The following POLN variants were observed in gnomAD, a reference collection of about 807,000 sequenced individuals.
POLN encodes the protein DNA polymerase nu.
POLN carries 108 observed loss-of-function variants against 113.5 expected under a neutral mutation model. The ratio of observed to expected loss-of-function variants is 0.95; its 90% CI spans 0.81 to 1.12. POLN has a LOEUF of 1.12. POLN is among the 50% of genes most tolerant of loss of function. POLN has a pLI of 0.00. For synonymous variants in POLN, 386 were observed against 391.5 expected, an observed-to-expected ratio of 0.99 and a Z score of 0.17; for missense variants, 1,097 against 1,077.1, an observed-to-expected ratio of 1.02 and a Z score of -0.26.
intron 10 of POLN, 87 bp from the exon 11 acceptor site, chr4:2,174,106 CAAT>C: frequency 8.0e-7 from 1 of 1,250,320 alleles, no homozygotes; most frequent in Non-Finnish European, 1.2e-6. Context: ...CTGATGAGGA[CAAT>C]AATGACTGCA....
intron 13 of POLN, among the ~76,000 whole-genome samples, chr4:2,162,002 T>C (rs973777711): frequency 6.6e-6 from 1 of 152,120 alleles, no homozygotes; most frequent in African/African-American, 2.4e-5. Context: ...AATGCACCAA[T>C]CAGCGCCCTG....
chr4:2,101,659 C>G (rs753921196), intron 19 of POLN, among the ~76,000 whole-genome samples: 8 of 152,238 alleles, frequency 5.3e-5, no homozygotes, highest in Non-Finnish European at 7.3e-5. Context: ...TTGGTCCTAG[C>G]TTTTAACAGA....
At chr4:2,196,130 T>A (rs1733567093) in intron 6 of POLN, among the ~76,000 whole-genome samples, 1 of 152,172 alleles carries the variant, frequency 6.6e-6, no homozygotes, top group Non-Finnish European at 1.5e-5. Flanking sequence ...AAATCGAATA[T>A]TTTTTAGGGA....
rs371030140 is a variant in POLN, at chr4:2,088,728, CT to C, written c.2066-2985del. On this transcript the variant is annotated intron_variant, in intron 20 of 25. Coordinates refer to ENST00000511885, the MANE Select transcript of POLN (RefSeq NM_181808.4). ...TTTTGTTACTATTCTCTAGTAAATG[CT>C]TTTTTTTTATTAGCTTTTACAATGT... The C allele has an allele frequency of 1.8e-3, 2,068 of 1,152,870 alleles. 4 individuals are homozygous for C. The highest frequency in any genetic ancestry group is 7.2e-3 in the African/African-American group (452 of 62,904). 71.4% of individuals were successfully genotyped at this position (1,152,870 alleles called of 1,614,324 possible). A position where few individuals can be genotyped will look rare whatever the true frequency, so the allele number is the denominator to read the frequency against.
chr4:2,081,063 G>C lies in POLN; in HGVS notation c.2309-27C>G, dbSNP rs1730402554. On this transcript the variant is annotated intron_variant, in intron 22 of 25. Transcript: ENST00000511885. ...TATGGGGCGCGTGGTACTGTCTTGA[G>C]GTCCCATGGCACACGGTTCATGGTG... 3 of 1,613,044 alleles carry C rather than the reference G, an allele frequency of 1.9e-6. No homozygotes were observed. The African/African-American group carries it at 4.0e-5, about 22-fold the overall frequency.
At chr4:2,182,939 T>C (rs113144437) in intron 7 of POLN, among the ~76,000 whole-genome samples, 9 of 152,012 alleles carry the variant, frequency 5.9e-5, no homozygotes, top group African/African-American at 1.7e-4. Flanking sequence ...TTAGAATATA[T>C]AAATAATTCT....
intron 16 of POLN, among the ~76,000 whole-genome samples, chr4:2,133,628 C>G (rs1213957373): frequency 1.3e-5 from 2 of 152,144 alleles, no homozygotes; most frequent in Admixed American, 1.3e-4. Flanking sequence ...GAATTGTTCA[C>G]CTGTACCCCT....
rs899618458 is a variant in POLN at position 2,079,941 on chromosome 4, A to C, written c.2387+1017T>G. 1.7e-5 allele frequency: 17 copies of C among 985,428 alleles called. No individual in the cohort carries two copies. The African/African-American group carries it at 3.0e-4, about 17-fold the overall frequency. The allele number at this position is 985,428 out of a possible 1,614,324, so 61.0% of individuals were successfully genotyped here. A position where few individuals can be genotyped will look rare whatever the true frequency, so the allele number is the denominator to read the frequency against. On this transcript the variant is annotated intron_variant, in intron 23 of 25. Transcript: ENST00000511885. ...CTTCTGACCACTTCAGTTACTGCAG[A>C]AAGCAGCACTGAGAGCCCACAGCCC...
intron 21 of POLN, 84 bp downstream of exon 21, chr4:2,085,529 C>A: frequency 6.3e-7 from 1 of 1,574,850 alleles, no homozygotes; most frequent in Non-Finnish European, 8.6e-7. Flanking sequence ...CAGGGCCCGC[C>A]TGCACACCAA....
At chr4:2,128,274 C>T (rs779807423) in intron 18 of POLN, 47 bp from the exon 19 acceptor site, 3 of 1,313,726 alleles carry the variant, frequency 2.3e-6, no homozygotes, top group Non-Finnish European at 3.3e-6. Context: ...CAGCAATGTT[C>T]CTCGTGTTTG....
At chr4:2,240,356 T>G (rs372049466) in intron 2 of POLN, 11 of 1,602,100 alleles carry the variant, frequency 6.9e-6, no homozygotes, top group Non-Finnish European at 9.4e-6. Flanking sequence ...CCAAGGAAAA[T>G]TGCGATAAAA....
intron 2 of POLN, chr4:2,231,886 T>C: frequency 2.3e-6 from 2 of 869,440 alleles, no homozygotes; most frequent in South Asian, 1.6e-5. Context: ...TTCTAATAAA[T>C]AAAAGAGGAC....
Position 2,170,743 on chromosome 4 carries a change from A to G in POLN, c.1490T>C (p.Leu497Pro). ...TCTGGGGAGACTGTTCCTTTGACTCAGCAGGTGCAGCTTTAACTTGCCAAA... is the reference window on the plus strand; with the variant it reads ...TCTGGGGAGACTGTTCCTTTGACTCGGCAGGTGCAGCTTTAACTTGCCAAA... Reference protein sequence around the residue: ...ILFGKLKLHLLSQRNSLPRTG... With the variant: ...ILFGKLKLHLPSQRNSLPRTG... The change falls in exon 13 of 26, where the codon CTG becomes CCG. Residue 497 changes from leucine to proline, a missense_variant. Leu to Pro is a moderately conservative substitution (Grantham distance 98). Transcript: ENST00000511885. The G allele has an allele frequency of 6.2e-7, 1 of 1,614,220 alleles. No individual in the cohort carries two copies. Among genetic ancestry groups the G allele is most frequent in the Non-Finnish European group, 8.5e-7 (1 of 1,180,018 alleles).
At chr4:2,077,115 G>A (rs1401560419) in intron 23 of POLN, 4 of 152,224 alleles carry the variant, frequency 2.6e-5, no homozygotes, top group Non-Finnish European at 5.9e-5. Flanking sequence ...GGGCTGCCAG[G>A]GGCAGATGCT....
chr4:2,170,107 C>G (rs914877816), intron 13 of POLN, among the ~76,000 whole-genome samples: 1 of 152,166 alleles, frequency 6.6e-6, no homozygotes, highest in African/African-American at 2.4e-5. Context: ...CAAACTGGAG[C>G]CTCAGAAGCT....
rs541417956 is a variant in POLN, at chr4:2,112,624, C to T, written c.1982+15489G>A. On this transcript the variant is annotated intron_variant, in intron 19 of 25. Coordinates refer to ENST00000511885, the MANE Select transcript of POLN (RefSeq NM_181808.4). ...AGAAGACATTTATGCAGCAAAAAAA[C>T]ACATGAAAAAATGCTCATCATCACT... is the stretch of plus-strand genomic sequence containing the variant. Among the ~76,000 whole-genome samples the T allele has an allele frequency of 5.9e-5, 9 of 152,290 alleles. No homozygotes were observed. In the South Asian group the frequency reaches 1.7e-3, roughly 28 times the overall value.
intron 11 of POLN, 41 bp from the exon 12 acceptor site, chr4:2,171,222 T>G (rs1336017177): frequency 6.4e-7 from 1 of 1,551,346 alleles, no homozygotes; most frequent in African/African-American, 1.4e-5. Context: ...TTCATAGTTT[T>G]CACAATTTAA....
rs191392044 is a variant in POLN at position 2,126,741 on chromosome 4, C to G, written c.1982+1372G>C. ...GGATGAGGTAGGGGAGGGAGACACACGGACATTCGGGGAAAGAGCTTCCTG... is the reference window on the plus strand; with the variant it reads ...GGATGAGGTAGGGGAGGGAGACACAGGGACATTCGGGGAAAGAGCTTCCTG... On this transcript the variant is annotated intron_variant, in intron 19 of 25. Coordinates refer to ENST00000511885, the MANE Select transcript of POLN (RefSeq NM_181808.4). The surrounding 1 kb of genome is among the most constrained non-coding windows in gnomAD (Gnocchi z 4.6). Among the ~76,000 whole-genome samples the G allele has an allele frequency of 2.6e-5, 4 of 152,050 alleles. No individual in the cohort carries two copies. Among genetic ancestry groups the G allele is most frequent in the South Asian group, 2.1e-4 (1 of 4,818 alleles).
rs868144699 is a variant in POLN, at chr4:2,208,132, G to A, written c.569C>T (p.Ser190Leu). 1.9e-6 allele frequency: 3 copies of A among 1,614,014 alleles called. No individual in the cohort carries two copies. In the African/African-American group the frequency reaches 4.0e-5, roughly 22 times the overall value. Residue 190 changes from serine to leucine, a missense_variant, in exon 5 of 26, where the codon TCA becomes TTA. Coordinates refer to ENST00000511885, the MANE Select transcript of POLN (RefSeq NM_181808.4). ...ACAAAAATGTTTTTTCAATGCTCCT[G>A]AGTTCCCAGAATTTAGGTAGCCTTC... ...DAEGYLNSGNSGALKKHFCDI... is the reference protein window; with the variant it reads ...DAEGYLNSGNLGALKKHFCDI...
Sources: allele counts gnomAD v4.1 joint callset (sites outside exome capture counted in the v4.1 genomes callset), GRCh38; gene constraint gnomAD v4.1.1; non-coding constraint Gnocchi (gnomAD v3.1); transcripts MANE v1.5; gene names NCBI Gene and HGNC (gene_info 2026-07-23, HGNC 2026-07-21).